EDEM3: variants seen among roughly 807,000 people sequenced by gnomAD.
EDEM3 encodes ER degradation enhancing alpha-mannosidase like protein 3.
A neutral mutation model predicts 110.2 loss-of-function variants in EDEM3; 60 were observed. The observed-to-expected ratio is 0.54, with a 90% CI of 0.44 to 0.67. EDEM3 has a LOEUF of 0.67. Among genes scored for constraint, EDEM3 ranks in the 30% least tolerant of loss-of-function variants. The pLI is 0.00. For missense variants in EDEM3, 996 were observed against 1,121.0 expected, an observed-to-expected ratio of 0.89 and a Z score of 1.59; for synonymous variants, 352 against 382.9, an observed-to-expected ratio of 0.92 and a Z score of 0.94.
At chr1:184,726,745 T>C (rs1651214748) in intron 6 of EDEM3, among the ~76,000 whole-genome samples, 1 of 152,180 alleles carries the variant, frequency 6.6e-6, no homozygotes, top group South Asian at 2.1e-4. Flanking sequence ...AACTAGTAAG[T>C]ACAAGAATAG....
At chr1:184,708,032 G>C (rs1195842566) in intron 17 of EDEM3, 121 bp downstream of exon 17, 3 of 892,656 alleles carry the variant, frequency 3.4e-6, no homozygotes, top group Non-Finnish European at 4.8e-6. Flanking sequence ...AAATCCAGGA[G>C]ATTGACTATT....
chr1:184,735,289 A>G (rs1181015345), intron 4 of EDEM3, among the ~76,000 whole-genome samples: 1 of 152,212 alleles, frequency 6.6e-6, no homozygotes, highest in African/African-American at 2.4e-5. Context: ...TTTCTTAAAT[A>G]AGATAATGTA....
chr1:184,730,024 T>G (rs1651415490), intron 6 of EDEM3, among the ~76,000 whole-genome samples: 1 of 152,208 alleles, frequency 6.6e-6, no homozygotes, highest in Admixed American at 6.5e-5. Context: ...AATTTAACTG[T>G]ACTAATAAGC....
intron 6 of EDEM3, among the ~76,000 whole-genome samples, chr1:184,730,739 AT>A (rs1221337601): frequency 6.6e-6 from 1 of 152,226 alleles, no homozygotes; most frequent in African/African-American, 2.4e-5. Context: ...ATTGCCCTAT[AT>A]CATGCTATAT....
In EDEM3 at chr1:184,710,534, T is replaced by G. The variant is rs1485455145; in HGVS notation, c.1705A>C (p.Arg569=). ...RGIIRVEESF[R]SGAKPPLRAR... ...CTCAGAGGGGGTTTAGCTCCACTCC[T>G]GAAACTCTCCTCTCTGCTAAAAGTA... The change falls in exon 16 of 20, where the codon AGG becomes CGG. Residue 569 remains arginine (R), a synonymous_variant. Transcript: ENST00000318130. 11 of 1,611,434 alleles carry G rather than the reference T, an allele frequency of 6.8e-6. No individual in the cohort carries two copies. Among genetic ancestry groups the G allele is most frequent in the Non-Finnish European group, 8.5e-6 (10 of 1,178,622 alleles).
At chr1:184,749,520 G>A (rs2102138377) in intron 2 of EDEM3, 27 bp downstream of exon 2, 1 of 1,490,798 alleles carries the variant, frequency 6.7e-7, no homozygotes. Context: ...CACATAAATG[G>A]TAGGTAAAGA....
chr1:184,719,388 G>T, intron 10 of EDEM3, 55 bp downstream of exon 10: 1 of 1,578,660 alleles, frequency 6.3e-7, no homozygotes, highest in South Asian at 1.2e-5. Flanking sequence ...TCAAAAATGC[G>T]CCTAATTAAC....
intron 13 of EDEM3, among the ~76,000 whole-genome samples, chr1:184,716,634 AT>A (rs1251820863): frequency 6.6e-6 from 1 of 152,216 alleles, no homozygotes; most frequent in African/African-American, 2.4e-5. Context: ...AGGTTCTGAT[AT>A]TTAACAATCA....
chr1:184,690,800 TG>T lies in EDEM3; in HGVS notation c.*3262del, dbSNP rs1421059456. On this transcript the variant is annotated 3_prime_UTR_variant, in exon 20 of 20. Transcript: ENST00000318130. ...AACATACAATATTTCATTCACAGAA[TG>T]TTTTTTTTTTCTATGTTCTGACTGA... is the stretch of plus-strand genomic sequence containing the variant. 7.3e-5 allele frequency: 11 copies of T among 151,602 alleles called. No individual in the cohort carries two copies. Among genetic ancestry groups the T allele is most frequent in the Non-Finnish European group, 1.3e-4 (9 of 68,004 alleles). The allele number at this position is 151,602 out of a possible 1,614,324, so 9.4% of individuals were successfully genotyped here.
At position 184,698,000 on chromosome 1, in the gene EDEM3, C is replaced by G. The variant is rs1649418358; in HGVS notation, c.2390-3528G>C. On this transcript the variant is annotated intron_variant, in intron 19 of 19. Coordinates refer to ENST00000318130, the MANE Select transcript of EDEM3 (RefSeq NM_025191.4). ...TAAATATAGGAAATGCGCACACACA[C>G]AAACAGAGAGGTCCTATAAAATATC... 3.5e-5 allele frequency among the ~76,000 whole-genome samples: 5 copies of G among 144,882 alleles called. No individual in the cohort carries two copies. The Admixed American group carries it at 3.5e-4, about 10-fold the overall frequency.
chr1:184,711,639 G>A, intron 15 of EDEM3, 84 bp downstream of exon 15: 2 of 1,277,712 alleles, frequency 1.6e-6, no homozygotes, highest in Non-Finnish European at 2.1e-6. Context: ...TGTCTTCTTG[G>A]CTGTTGATAC....
chr1:184,733,023 C>T (rs200237541), intron 5 of EDEM3, 33 bp from the exon 6 acceptor site: 7 of 1,584,368 alleles, frequency 4.4e-6, no homozygotes, highest in Non-Finnish European at 6.0e-6. Flanking sequence ...TTATCCATAT[C>T]TTATAGACAA....
At chr1:184,710,958 T>C (rs905693125) in intron 15 of EDEM3, among the ~76,000 whole-genome samples, 12 of 152,202 alleles carry the variant, frequency 7.9e-5, no homozygotes, top group African/African-American at 2.2e-4. Flanking sequence ...GTCCTTGCAA[T>C]GGCCTAATAT....
At chr1:184,697,451 C>T (rs1649390713) in intron 19 of EDEM3, among the ~76,000 whole-genome samples, 1 of 151,714 alleles carries the variant, frequency 6.6e-6, no homozygotes, top group African/African-American at 2.4e-5. Context: ...GGGAGAGTTG[C>T]CCTATCAGAT....
At chr1:184,748,526 G>A (rs1652571170) in intron 2 of EDEM3, among the ~76,000 whole-genome samples, 1 of 151,190 alleles carries the variant, frequency 6.6e-6, no homozygotes, top group Non-Finnish European at 1.5e-5. Flanking sequence ...ATTTGAAACT[G>A]TGTTTTTAAT....
intron 7 of EDEM3, among the ~76,000 whole-genome samples, chr1:184,725,743 AG>A (rs1326547079): frequency 1.3e-5 from 2 of 152,028 alleles, no homozygotes; most frequent in Non-Finnish European, 2.9e-5. Context: ...TGAGAGACAT[AG>A]CTAGCCCACA....
At chr1:184,703,143 T>C (rs2102062192) in intron 18 of EDEM3, 147 bp from the exon 19 acceptor site, 1 of 665,856 alleles carries the variant, frequency 1.5e-6, no homozygotes, top group Non-Finnish European at 2.3e-6. Context: ...GACCCATTAA[T>C]TCTCATAGAA....
chr1:184,753,511 T>C (rs933159549), intron 1 of EDEM3, among the ~76,000 whole-genome samples: 1 of 151,626 alleles, frequency 6.6e-6, no homozygotes, highest in African/African-American at 2.4e-5. Flanking sequence ...TTCTCAGAAA[T>C]AGAACTGATG....
chr1:184,745,553 A>G (rs1652382849), intron 2 of EDEM3, among the ~76,000 whole-genome samples: 2 of 152,152 alleles, frequency 1.3e-5, no homozygotes, highest in African/African-American at 4.8e-5. Context: ...GGTAAATTTC[A>G]TATTATGTAT....
Sources: allele counts gnomAD v4.1 joint callset (sites outside exome capture counted in the v4.1 genomes callset), GRCh38; gene constraint gnomAD v4.1.1; transcripts MANE v1.5; gene names NCBI Gene and HGNC (gene_info 2026-07-23, HGNC 2026-07-21).